Variants in ERC1 observed in about 807,000 individuals in gnomAD.
ERC1 encodes the protein RAB6 interacting protein 2.
Under a neutral mutation model 132.0 loss-of-function variants are expected in ERC1, and 56 were observed. The ratio of observed to expected loss-of-function variants is 0.42; its 90% CI spans 0.34 to 0.53. The LOEUF is 0.53. Among genes scored for constraint, ERC1 ranks in the 20% least tolerant of loss-of-function variants. The probability of loss-of-function intolerance (pLI) is 0.03; values close to 1 mark genes in which losing one functional copy is unlikely to be tolerated. For missense variants in ERC1, 1,202 were observed against 1,349.9 expected (o/e 0.89, Z 1.72); for synonymous variants, 478 against 476.1 (o/e 1.00, Z -0.05).
At chr12:1,224,289 G>T (rs756399598) in intron 12 of ERC1, among the ~76,000 whole-genome samples, 3 of 151,248 alleles carry the variant, frequency 2.0e-5, no homozygotes, top group Non-Finnish European at 4.4e-5. Flanking sequence ...GCATACACAG[G>T]ACGAGAAGGT....
At chr12:1,422,295 T>C (rs2154400333) in intron 17 of ERC1, among the ~76,000 whole-genome samples, 1 of 152,392 alleles carries the variant, frequency 6.6e-6, no homozygotes, top group South Asian at 2.1e-4. Context: ...TTCTCACTTT[T>C]ATAATTCTTG....
intron 15 of ERC1, among the ~76,000 whole-genome samples, chr12:1,340,126 C>G (rs944237958): frequency 2.0e-5 from 3 of 152,090 alleles, no homozygotes; most frequent in Non-Finnish European, 4.4e-5. Flanking sequence ...AGGCATAGTT[C>G]CCCAGCACAG....
Position 1,042,338 on chromosome 12 carries a change from G to GTTT in ERC1, c.669+13782_669+13784dup, listed in dbSNP as rs776086251. 7.3e-3 allele frequency among the ~76,000 whole-genome samples: 887 copies of GTTT among 120,944 alleles called. 36 individuals carry two copies. The highest frequency in any genetic ancestry group is 0.015 in the South Asian group (52 of 3,476). 79.3% of individuals were successfully genotyped at this position (120,944 alleles called of 152,430 possible). ...AGATGTGAGCCATTGCGCCCGGCCT[G>GTTT]TTTTTTTTTTTTTTTTTTCTTTTTT... is the stretch of plus-strand genomic sequence containing the variant. On this transcript the variant is annotated intron_variant, in intron 2 of 18. Transcript: ENST00000360905.
At chr12:1,022,886 G>C (rs150507861) in intron 1 of ERC1, among the ~76,000 whole-genome samples, 141 of 152,252 alleles carry the variant, frequency 9.3e-4, no homozygotes, top group African/African-American at 3.3e-3. Context: ...CCAAAGTGTT[G>C]GGATTACAGG....
chr12:1,198,975 G>A lies in ERC1; in HGVS notation c.2351+8923G>A, dbSNP rs953765494. ...GAGATTTGGGTGGGGACAAACCACCGTCATGACCCAGTCACTTCCCACCAG... is the reference window on the plus strand; with the variant it reads ...GAGATTTGGGTGGGGACAAACCACCATCATGACCCAGTCACTTCCCACCAG... On this transcript the variant is annotated intron_variant, in intron 12 of 18. Coordinates refer to ENST00000360905, the MANE Select transcript of ERC1 (RefSeq NM_178040.4). Among the ~76,000 whole-genome samples the A allele has an allele frequency of 1.6e-4, 18 of 110,418 alleles. 2 individuals are homozygous for A. The highest frequency in any genetic ancestry group is 5.9e-4 in the South Asian group (2 of 3,386). The allele number at this position is 110,418 out of a possible 152,430, so 72.4% of individuals were successfully genotyped here.
At chr12:1,164,753 T>C (rs2154262595) in intron 8 of ERC1, among the ~76,000 whole-genome samples, 1 of 152,306 alleles carries the variant, frequency 6.6e-6, no homozygotes, top group South Asian at 2.1e-4. Flanking sequence ...GAAGACATTG[T>C]TGTGACCATT....
intron 18 of ERC1, among the ~76,000 whole-genome samples, chr12:1,488,650 G>A (rs1388084117): frequency 2.0e-5 from 3 of 152,180 alleles, no homozygotes; most frequent in Non-Finnish European, 2.9e-5. Context: ...TTGAAACCCA[G>A]GCAGCCTAAC....
intron 16 of ERC1, among the ~76,000 whole-genome samples, chr12:1,399,459 T>A (rs1317976262): frequency 6.6e-6 from 1 of 152,194 alleles, no homozygotes; most frequent in Admixed American, 6.5e-5. Flanking sequence ...CTAGTATTAT[T>A]TCAGTGTCAT....
chr12:1,288,302 A>G (rs2079173465), intron 14 of ERC1, among the ~76,000 whole-genome samples: 1 of 152,194 alleles, frequency 6.6e-6, no homozygotes, highest in Admixed American at 6.5e-5. Context: ...TTTAGTAGAG[A>G]CAGGGTTTTG....
chr12:1,074,737 C>T (rs1414075255), intron 2 of ERC1, among the ~76,000 whole-genome samples: 1 of 152,120 alleles, frequency 6.6e-6, no homozygotes, highest in Non-Finnish European at 1.5e-5. Flanking sequence ...GTACAGCATT[C>T]GCAGAGCAAA....
chr12:1,081,987 A>G (rs1942263170), intron 2 of ERC1, among the ~76,000 whole-genome samples: 1 of 151,952 alleles, frequency 6.6e-6, no homozygotes, highest in South Asian at 2.1e-4. Context: ...TGTTTATAAT[A>G]CTTAAAAGTC....
intron 1 of ERC1, among the ~76,000 whole-genome samples, chr12:1,009,597 C>G (rs985640820): frequency 1.6e-5 from 2 of 128,288 alleles, no homozygotes; most frequent in African/African-American, 6.5e-5. Context: ...GACAAGTGTT[C>G]ACTGCATATA....
At chr12:1,028,672 G>C in intron 2 of ERC1, 100 bp downstream of exon 2, 1 of 962,130 alleles carries the variant, frequency 1.0e-6, no homozygotes, top group East Asian at 2.6e-5. Context: ...CGTAGTATAT[G>C]TATCTTCCTT....
At chr12:1,231,737 A>G (rs2075055658) in intron 12 of ERC1, among the ~76,000 whole-genome samples, 1 of 151,698 alleles carries the variant, frequency 6.6e-6, no homozygotes, top group Non-Finnish European at 1.5e-5. Context: ...TTTCTCAGAG[A>G]AGTAAAGCAA....
chr12:1,135,119 C>T (rs543558065), intron 7 of ERC1, among the ~76,000 whole-genome samples: 10 of 152,252 alleles, frequency 6.6e-5, no homozygotes, highest in South Asian at 2.1e-4. Flanking sequence ...CATTTGGGTG[C>T]CTGAGGCTTC....
At chr12:1,051,116 A>C (rs1971877873) in intron 2 of ERC1, among the ~76,000 whole-genome samples, 1 of 152,204 alleles carries the variant, frequency 6.6e-6, no homozygotes, top group Non-Finnish European at 1.5e-5. Context: ...GAAATATTGA[A>C]CTAGAGACAA....
At chr12:1,406,063 T>C (rs1303088808) in intron 16 of ERC1, among the ~76,000 whole-genome samples, 1 of 152,212 alleles carries the variant, frequency 6.6e-6, no homozygotes, top group South Asian at 2.1e-4. Context: ...CTAAAATGTA[T>C]TGGGTGTCAG....
Position 1,415,257 on chromosome 12 carries a change from C to T in ERC1, c.3024+7010C>T, listed in dbSNP as rs192026000. Among the ~76,000 whole-genome samples the T allele has an allele frequency of 1.3e-3, 203 of 152,316 alleles. 1 individual carries two copies. The highest frequency in any genetic ancestry group is 4.3e-3 in the Admixed American group (66 of 15,308). On this transcript the variant is annotated intron_variant, in intron 17 of 18. Transcript: ENST00000360905. The stretch of plus-strand genomic sequence containing the variant: ...CACCCCGTGGAGCAGTTTGTGTGAA[C>T]TGGTGCTAGGTCCCTTCAGTAAAGG...
At chr12:1,100,935 A>G (rs1185167445) in intron 3 of ERC1, among the ~76,000 whole-genome samples, 1 of 152,136 alleles carries the variant, frequency 6.6e-6, no homozygotes, top group African/African-American at 2.4e-5. Flanking sequence ...GGAGTTGGGA[A>G]GAAAAGCTTA....
Sources: allele counts gnomAD v4.1 joint callset (sites outside exome capture counted in the v4.1 genomes callset), GRCh38; gene constraint gnomAD v4.1.1; transcripts MANE v1.5; gene names NCBI Gene and HGNC (gene_info 2026-07-23, HGNC 2026-07-21).